The following TANC1 variants were observed in gnomAD, a reference collection of about 807,000 sequenced individuals.
TANC1 encodes the protein tetratricopeptide repeat, ankyrin repeat and coiled-coil containing 1, also known as protein TANC1.
In TANC1, 77 loss-of-function variants were observed where a neutral mutation model predicts 149.7. That is an observed-to-expected ratio of 0.51 (90% confidence interval 0.43 to 0.62). TANC1 has a LOEUF of 0.62. TANC1 is among the 20% of genes least tolerant of loss of function. The probability of loss-of-function intolerance (pLI) is 0.00; values close to 1 mark genes in which losing one functional copy is unlikely to be tolerated. For missense variants in TANC1, 1,985 were observed against 2,321.8 expected (o/e 0.85, Z 2.98); for synonymous variants, 854 against 925.0 (o/e 0.92, Z 1.39).
chr2:159,032,650 A>T (rs2039877439), intron 2 of TANC1, among the ~76,000 whole-genome samples: 1 of 152,000 alleles, frequency 6.6e-6, no homozygotes, highest in Admixed American at 6.6e-5. Flanking sequence ...CAGATCTAAC[A>T]CTGTCCCTCC....
intron 2 of TANC1, among the ~76,000 whole-genome samples, chr2:159,020,403 G>A (rs1233884506): frequency 6.6e-6 from 1 of 152,164 alleles, no homozygotes; most frequent in African/African-American, 2.4e-5. Flanking sequence ...TATGATTATA[G>A]GTGTGAGCCA....
intron 1 of TANC1, among the ~76,000 whole-genome samples, chr2:158,992,143 G>A (rs1347255597): frequency 6.6e-6 from 1 of 152,078 alleles, no homozygotes; most frequent in East Asian, 1.9e-4. Flanking sequence ...CAGGCAGATC[G>A]CTTGAACCCA....
chr2:158,984,664 C>CAGGAGGAGG (rs1158254549), intron 1 of TANC1, among the ~76,000 whole-genome samples: 1 of 151,112 alleles, frequency 6.6e-6, no homozygotes, highest in African/African-American at 2.4e-5. Context: ...TTAGGGAGTG[C>CAGGAGGAGG]AGGAGGAGGA....
intron 2 of TANC1, among the ~76,000 whole-genome samples, chr2:159,022,245 C>T (rs1408938735): frequency 6.6e-6 from 1 of 152,180 alleles, no homozygotes; most frequent in East Asian, 1.9e-4. Context: ...CTTGTTATCC[C>T]ATTCACAGTT....
intron 25 of TANC1, 103 bp downstream of exon 25, chr2:159,228,068 C>A: frequency 7.6e-7 from 1 of 1,315,000 alleles, no homozygotes; most frequent in Non-Finnish European, 1.0e-6. Flanking sequence ...GCCCTCCTGT[C>A]CAATTTGCTT....
chr2:159,145,102 A>G (rs1170443456), intron 5 of TANC1, among the ~76,000 whole-genome samples: 1 of 152,226 alleles, frequency 6.6e-6, no homozygotes, highest in African/African-American at 2.4e-5. Flanking sequence ...CCCTGGCTTT[A>G]AACAAGAGAG....
At chr2:159,135,611 C>G (rs1215546910) in intron 4 of TANC1, among the ~76,000 whole-genome samples, 10 of 152,268 alleles carry the variant, frequency 6.6e-5, no homozygotes, top group Non-Finnish European at 1.5e-5. Context: ...TCTCCTATGT[C>G]TGACCCGCTT....
intron 1 of TANC1, among the ~76,000 whole-genome samples, chr2:158,990,363 A>G (rs569873592): frequency 1.3e-5 from 2 of 152,306 alleles, no homozygotes; most frequent in Non-Finnish European, 2.9e-5. Context: ...ATTGTATCAA[A>G]CTGTAGGCAG....
intron 17 of TANC1, among the ~76,000 whole-genome samples, chr2:159,195,787 C>T (rs10187095): frequency 6.6e-6 from 1 of 152,168 alleles, no homozygotes; most frequent in Non-Finnish European, 1.5e-5. Context: ...GGCCTCCCCC[C>T]ATCACAGCTG....
chr2:159,019,872 G>A (rs768186061), intron 2 of TANC1, among the ~76,000 whole-genome samples: 1 of 151,344 alleles, frequency 6.6e-6, no homozygotes, highest in Non-Finnish European at 1.5e-5. Context: ...CCGAAGTGTT[G>A]GGATTTCAGG....
intron 2 of TANC1, among the ~76,000 whole-genome samples, chr2:159,049,687 G>A (rs755940153): frequency 6.6e-6 from 1 of 152,178 alleles, no homozygotes; most frequent in Admixed American, 6.5e-5. Flanking sequence ...ACGGAGACCT[G>A]TTTGGCTGTT....
chr2:159,220,369 G>A (rs902492362), intron 22 of TANC1, among the ~76,000 whole-genome samples: 3 of 151,408 alleles, frequency 2.0e-5, no homozygotes, highest in Non-Finnish European at 4.4e-5. Context: ...GTGCAGTGGT[G>A]CGATCTCGGC....
chr2:159,114,603 A>G (rs1290122705), intron 4 of TANC1, among the ~76,000 whole-genome samples: 1 of 152,222 alleles, frequency 6.6e-6, no homozygotes, highest in Non-Finnish European at 1.5e-5. Context: ...AGCAAGAAAC[A>G]TATATCAGAC....
At chr2:159,029,486 T>C (rs1343169706) in intron 2 of TANC1, among the ~76,000 whole-genome samples, 1 of 152,236 alleles carries the variant, frequency 6.6e-6, no homozygotes, top group Admixed American at 6.5e-5. Context: ...GCACCCTCTT[T>C]TGAAACCAAG....
intron 3 of TANC1, among the ~76,000 whole-genome samples, chr2:159,083,254 C>T (rs1389960719): frequency 6.6e-6 from 1 of 151,686 alleles, no homozygotes; most frequent in Non-Finnish European, 1.5e-5. Flanking sequence ...CATACCTGGC[C>T]TATTTTTTTT....
intron 2 of TANC1, among the ~76,000 whole-genome samples, chr2:159,042,222 C>T (rs990379478): frequency 1.3e-5 from 2 of 152,204 alleles, no homozygotes; most frequent in African/African-American, 2.4e-5. Context: ...TCGGCACGCA[C>T]AAACCTGTTA....
chr2:159,162,028 G>A (rs17493902), intron 7 of TANC1, among the ~76,000 whole-genome samples: 4,220 of 152,316 alleles, frequency 0.028, 82 homozygotes, highest in Non-Finnish European at 0.046. Flanking sequence ...CAGAGAGGGT[G>A]ATAAGTCCAG....
At chr2:158,980,349 A>C (rs909857300) in intron 1 of TANC1, among the ~76,000 whole-genome samples, 1 of 152,062 alleles carries the variant, frequency 6.6e-6, no homozygotes, top group African/African-American at 2.4e-5. Context: ...TAATTTGTTG[A>C]AATACTTAAA....
intron 2 of TANC1, among the ~76,000 whole-genome samples, chr2:159,042,320 A>C (rs2040708944): frequency 6.6e-6 from 1 of 152,100 alleles, no homozygotes; most frequent in South Asian, 2.1e-4. Flanking sequence ...GCCCGGCAGG[A>C]TTGACTTGGG....
Sources: gnomAD v4.1 joint callset for allele counts (sites outside exome capture counted in the v4.1 genomes callset) on GRCh38, gnomAD v4.1.1 for gene constraint, MANE v1.5 for transcripts, NCBI Gene and HGNC (gene_info 2026-07-23, HGNC 2026-07-21) for gene names.